GSPT1: variants seen among roughly 807,000 people sequenced by gnomAD.
The protein encoded by GSPT1 is eukaryotic peptide chain release factor GTP-binding subunit ERF3A.
In GSPT1, 20 loss-of-function variants were observed where a neutral mutation model predicts 72.5. The ratio of observed to expected loss-of-function variants is 0.28; its 90% confidence interval spans 0.19 to 0.40. GSPT1 has a LOEUF of 0.40. GSPT1 is among the 10% of genes least tolerant of loss of function. GSPT1 has a pLI of 1.00. For missense variants in GSPT1, 580 were observed against 811.9 expected, an observed-to-expected ratio of 0.71 and a Z score of 3.47; for synonymous variants, 334 against 293.5, an observed-to-expected ratio of 1.14 and a Z score of -1.41.
chr16:11,911,429 C>G (rs1054128293), intron 1 of GSPT1, among the ~76,000 whole-genome samples: 41 of 152,146 alleles, frequency 2.7e-4, no homozygotes, highest in South Asian at 2.1e-4. Context: ...TTTGGTCACC[C>G]AGGCTGAGTG....
intron 1 of GSPT1, chr16:11,915,140 C>G (rs2054615105): frequency 1.9e-6 from 2 of 1,059,802 alleles, no homozygotes; most frequent in Admixed American, 4.7e-5. Context: ...CACTCGGGTC[C>G]GGGTCTTTGG....
At chr16:11,915,283 C>G in intron 1 of GSPT1, 86 bp downstream of exon 1, 2 of 1,246,738 alleles carry the variant, frequency 1.6e-6, no homozygotes, top group Non-Finnish European at 2.0e-6. Context: ...GACCGGGCCC[C>G]AGGGCCGCGC....
intron 10 of GSPT1, among the ~76,000 whole-genome samples, chr16:11,884,612 C>A (rs2054163660): frequency 6.6e-6 from 1 of 151,728 alleles, no homozygotes; most frequent in African/African-American, 2.4e-5. Context: ...ATACAAAAAA[C>A]AATTAGCTGG....
chr16:11,898,133 C>A, intron 1 of GSPT1, 98 bp from the exon 2 acceptor site: 1 of 748,026 alleles, frequency 1.3e-6, no homozygotes, highest in Non-Finnish European at 2.3e-6. Flanking sequence ...AATAACACGA[C>A]ACAAGCCTCA....
At chr16:11,884,917 A>C (rs1312856062) in intron 10 of GSPT1, among the ~76,000 whole-genome samples, 6 of 150,882 alleles carry the variant, frequency 4.0e-5, no homozygotes. Context: ...AAATATAAAA[A>C]ATTAGCTGGG....
At position 11,915,924 on chromosome 16, in the gene GSPT1, G is replaced by A. The variant is rs434762; in HGVS notation, c.-204C>T. ...CGACGACGACAGAGGCGGCGGCGGCGGCAGCTCAACCCTCCTCCTCGTGTG... is the reference window on the plus strand; with the variant it reads ...CGACGACGACAGAGGCGGCGGCGGCAGCAGCTCAACCCTCCTCCTCGTGTG... On this transcript the variant is annotated 5_prime_UTR_variant, in exon 1 of 15. Coordinates refer to ENST00000434724, the MANE Select transcript of GSPT1 (RefSeq NM_002094.4). The A allele has an allele frequency of 0.91, 714,135 of 782,730 alleles. 326,997 individuals are homozygous for A. The highest frequency in any genetic ancestry group is 0.94 in the Non-Finnish European group (416,637 of 442,564). The allele number at this position is 782,730 out of a possible 1,614,324, so 48.5% of individuals were successfully genotyped here. A position where few individuals can be genotyped will look rare whatever the true frequency, so the allele number is the denominator to read the frequency against.
At position 11,915,736 on chromosome 16, in the gene GSPT1, G is replaced by A. The variant is rs1362995943; in HGVS notation, c.-16C>T. The A allele has an allele frequency of 2.6e-6, 4 of 1,531,010 alleles. No individual in the cohort carries two copies. Among genetic ancestry groups the A allele is most frequent in the East Asian group, 2.5e-5 (1 of 40,106 alleles). 94.8% of individuals were successfully genotyped at this position (1,531,010 alleles called of 1,614,324 possible). ...CCGGATCCATGATCGGGGGGGCCGT[G>A]TGTGTGGTGGACAGAGAGCGGGAAA... is the stretch of plus-strand genomic sequence containing the variant. On this transcript the variant is annotated 5_prime_UTR_variant, in exon 1 of 15. Coordinates refer to ENST00000434724, the MANE Select transcript of GSPT1 (RefSeq NM_002094.4).
In GSPT1 at chr16:11,886,480, G is replaced by C. The variant is rs1311128201; in HGVS notation, c.1244C>G (p.Pro415Arg). ...AAAAACAGTTACTTACATGTACCAA[G>C]GACAGAAATCCGACTGCTCTTTGAG... ...ANLKEQSDFC[P>R]WYIGLPFIPY... The change falls in exon 9 of 15, where the codon CCT (proline) becomes CGT (arginine). Residue 415 changes from proline to arginine, a missense_variant. Transcript: ENST00000434724. The C allele has an allele frequency of 6.2e-7, 1 of 1,611,368 alleles. No individual in the cohort carries two copies. The highest frequency in any genetic ancestry group is 1.3e-5 in the African/African-American group (1 of 74,986).
chr16:11,872,960 T>C lies in GSPT1; in HGVS notation c.*159A>G. The C allele has an allele frequency of 5.2e-6, 3 of 576,492 alleles. No homozygotes were observed. The highest frequency in any genetic ancestry group is 9.6e-6 in the Non-Finnish European group (3 of 312,392). The allele number at this position is 576,492 out of a possible 1,614,324, so 35.7% of individuals were successfully genotyped here. A position where few individuals can be genotyped will look rare whatever the true frequency, so the allele number is the denominator to read the frequency against. On this transcript the variant is annotated 3_prime_UTR_variant, in exon 15 of 15. Transcript: ENST00000434724. ...CAGTGGCATAGCAGAGCTCTCAATA[T>C]GAGAAAGCTGACATAATGTGGACTT...
chr16:11,884,159 C>T (rs140429805), intron 10 of GSPT1, among the ~76,000 whole-genome samples: 148 of 152,228 alleles, frequency 9.7e-4, no homozygotes, highest in African/African-American at 3.4e-3. Flanking sequence ...CAGTTAAAAA[C>T]AAGGAAGTTT....
intron 1 of GSPT1, chr16:11,915,132 C>G: frequency 9.1e-7 from 1 of 1,103,314 alleles, no homozygotes; most frequent in Non-Finnish European, 1.1e-6. Flanking sequence ...AGGGGCGGCA[C>G]TCGGGTCCGG....
In GSPT1 at chr16:11,894,971, G is replaced by T; in HGVS notation, c.681C>A (p.Thr227=). 1 of 1,588,848 alleles carries T rather than the reference G, an allele frequency of 6.3e-7. No homozygotes were observed. Among genetic ancestry groups the T allele is most frequent in the Non-Finnish European group, 8.6e-7 (1 of 1,163,192 alleles). ...AGACTTACATTATTTGTCCTCCAAT[G>T]GTTGACTTGCCAGCATCTAAAAGTA... ...FIGHVDAGKS[T]IGGQIMYLTG... Residue 227 remains threonine, a synonymous_variant, in exon 5 of 15, where the codon ACC becomes ACA. Transcript: ENST00000434724.
chr16:11,891,365 TA>T (rs1413002026), intron 5 of GSPT1, among the ~76,000 whole-genome samples: 3 of 143,646 alleles, frequency 2.1e-5, no homozygotes, highest in Non-Finnish European at 3.0e-5. Flanking sequence ...CATATATATA[TA>T]TATTTTTTTT....
intron 11 of GSPT1, among the ~76,000 whole-genome samples, chr16:11,878,706 G>T (rs1280988439): frequency 2.0e-5 from 3 of 152,110 alleles, no homozygotes; most frequent in Non-Finnish European, 4.4e-5. Flanking sequence ...TGGCAGCAAG[G>T]TGAAGCAAAA....
intron 1 of GSPT1, among the ~76,000 whole-genome samples, chr16:11,900,654 G>A (rs1248699601): frequency 6.6e-6 from 1 of 152,158 alleles, no homozygotes; most frequent in Non-Finnish European, 1.5e-5. Context: ...CAGTGTACAA[G>A]TAAACTAAGC....
At chr16:11,884,986 T>G (rs1197458151) in intron 10 of GSPT1, among the ~76,000 whole-genome samples, 195 bp downstream of exon 10, 1 of 151,662 alleles carries the variant, frequency 6.6e-6, no homozygotes, top group Non-Finnish European at 1.5e-5. Flanking sequence ...GAGAATCACT[T>G]GAACCAAGGA....
chr16:11,892,501 T>A (rs1381959341), intron 5 of GSPT1, among the ~76,000 whole-genome samples: 2 of 74,046 alleles, frequency 2.7e-5, no homozygotes, highest in African/African-American at 5.6e-5. Context: ...AGGGAGACCC[T>A]TTCTCAAAAA....
intron 1 of GSPT1, among the ~76,000 whole-genome samples, chr16:11,898,850 A>G (rs904192499): frequency 2.0e-5 from 3 of 152,190 alleles, no homozygotes. Flanking sequence ...GTCCTGAAAC[A>G]TATATAAGCC....
At chr16:11,912,483 G>T (rs1384523320) in intron 1 of GSPT1, among the ~76,000 whole-genome samples, 2 of 152,062 alleles carry the variant, frequency 1.3e-5, no homozygotes, top group Non-Finnish European at 2.9e-5. Flanking sequence ...TTTGGAGACA[G>T]TGCCTCCTCC....
Sources: allele counts gnomAD v4.1 joint callset (sites outside exome capture counted in the v4.1 genomes callset), GRCh38; gene constraint gnomAD v4.1.1; transcripts MANE v1.5; gene names NCBI Gene and HGNC (gene_info 2026-07-23, HGNC 2026-07-21).